Variants in PPM1H observed in about 807,000 individuals in gnomAD.
The protein encoded by PPM1H is protein phosphatase, Mg2+/Mn2+ dependent 1H, also known as protein phosphatase 1H.
In PPM1H, 27 loss-of-function variants were observed where a neutral mutation model predicts 54.9. That is an observed-to-expected ratio of 0.49 (90% CI 0.36 to 0.68). The LOEUF is 0.68. Among genes scored for constraint, PPM1H ranks in the 30% least tolerant of loss-of-function variants. The pLI is 0.00. For missense variants in PPM1H, 596 were observed against 667.8 expected, an observed-to-expected ratio of 0.89 and a Z score of 1.19; for synonymous variants, 305 against 270.8, an observed-to-expected ratio of 1.13 and a Z score of -1.24.
intron 1 of PPM1H, among the ~76,000 whole-genome samples, chr12:62,859,975 G>T (rs1470237773): frequency 6.6e-6 from 1 of 152,224 alleles, no homozygotes; most frequent in Non-Finnish European, 1.5e-5. Flanking sequence ...AGGCATGTGT[G>T]CTTGTCTTCT....
At chr12:62,676,711 G>A (rs540638232) in intron 8 of PPM1H, among the ~76,000 whole-genome samples, 38 of 152,138 alleles carry the variant, frequency 2.5e-4, no homozygotes, top group South Asian at 1.0e-3. Context: ...GACTTTGGTC[G>A]CCACCGAGCA....
At chr12:62,735,114 A>C (rs1344979107) in intron 5 of PPM1H, among the ~76,000 whole-genome samples, 3 of 152,198 alleles carry the variant, frequency 2.0e-5, no homozygotes, top group Non-Finnish European at 2.9e-5. Flanking sequence ...CAAAGGCTTC[A>C]TACCCTGCTG....
intron 9 of PPM1H, among the ~76,000 whole-genome samples, chr12:62,655,830 G>A (rs1442320890): frequency 6.6e-6 from 1 of 152,192 alleles, no homozygotes; most frequent in Admixed American, 6.5e-5. Flanking sequence ...CTAATGAAGA[G>A]TCTCCCCAGG....
At chr12:62,711,388 G>A (rs2076206227) in intron 6 of PPM1H, among the ~76,000 whole-genome samples, 2 of 152,200 alleles carry the variant, frequency 1.3e-5, no homozygotes, top group Non-Finnish European at 2.9e-5. Flanking sequence ...TAGGCAGTCT[G>A]GCTCCAGCAT....
intron 9 of PPM1H, among the ~76,000 whole-genome samples, chr12:62,649,880 T>C (rs760908243): frequency 9.2e-5 from 14 of 152,200 alleles, no homozygotes; most frequent in Non-Finnish European, 2.1e-4. Context: ...TTAAATCAGT[T>C]TCTGAACCTG....
intron 6 of PPM1H, among the ~76,000 whole-genome samples, chr12:62,699,656 C>T (rs2076133133): frequency 1.3e-5 from 2 of 152,310 alleles, no homozygotes; most frequent in South Asian, 4.2e-4. Flanking sequence ...CAACACTGAT[C>T]CAGATGGACA....
At chr12:62,858,807 T>A (rs1017480902) in intron 1 of PPM1H, among the ~76,000 whole-genome samples, 8 of 152,212 alleles carry the variant, frequency 5.3e-5, no homozygotes, top group African/African-American at 1.9e-4. Flanking sequence ...CTTTATAATT[T>A]AACTGCTTTG....
At position 62,664,009 on chromosome 12, in the gene PPM1H, AT is replaced by A. The variant is rs1288930943; in HGVS notation, c.1397+3168del. Among the ~76,000 whole-genome samples, 6 of 138,556 alleles carry A rather than the reference AT, an allele frequency of 4.3e-5. No individual in the cohort carries two copies. The East Asian group carries it at 1.1e-3, about 25-fold the overall frequency. 90.9% of individuals were successfully genotyped at this position (138,556 alleles called of 152,430 possible). A position where few individuals can be genotyped will look rare whatever the true frequency, so the allele number is the denominator to read the frequency against. On this transcript the variant is annotated intron_variant, in intron 9 of 9. Coordinates refer to ENST00000228705, the MANE Select transcript of PPM1H (RefSeq NM_020700.2). ...CTCCATCTCAAAAAAAAAAAAAAAA[AT>A]TATTCTGTGTACATTTATGCGAAGA... is the stretch of plus-strand genomic sequence containing the variant.
At chr12:62,653,861 C>T (rs960859575) in intron 9 of PPM1H, among the ~76,000 whole-genome samples, 3 of 152,022 alleles carry the variant, frequency 2.0e-5, no homozygotes, top group Non-Finnish European at 2.9e-5. Flanking sequence ...GAATGTCTGG[C>T]GACCATCAGG....
intron 1 of PPM1H, among the ~76,000 whole-genome samples, chr12:62,852,822 G>T (rs1236285465): frequency 2.0e-5 from 3 of 152,218 alleles, no homozygotes; most frequent in Non-Finnish European, 4.4e-5. Context: ...ACCCGGCACT[G>T]CATGAGTGGG....
chr12:62,720,062 G>A, intron 6 of PPM1H, 109 bp downstream of exon 6: 2 of 930,964 alleles, frequency 2.1e-6, no homozygotes, highest in South Asian at 3.0e-5. Flanking sequence ...ACAAACCCTG[G>A]TCTCTGGCTG....
chr12:62,846,741 C>T (rs897723709), intron 1 of PPM1H, among the ~76,000 whole-genome samples: 4 of 152,142 alleles, frequency 2.6e-5, no homozygotes, highest in Non-Finnish European at 5.9e-5. Context: ...ACAAACATCC[C>T]TTGTCCTTCA....
At chr12:62,690,067 T>C (rs1315735457) in intron 7 of PPM1H, among the ~76,000 whole-genome samples, 4 of 152,174 alleles carry the variant, frequency 2.6e-5, no homozygotes, top group African/African-American at 9.7e-5. Flanking sequence ...TTCAGCTTTC[T>C]TTTTTTGGAG....
intron 8 of PPM1H, among the ~76,000 whole-genome samples, chr12:62,679,942 T>A (rs2076009667): frequency 6.6e-6 from 1 of 152,228 alleles, no homozygotes; most frequent in Non-Finnish European, 1.5e-5. Flanking sequence ...ACCCTCAAGA[T>A]TGCACAGCAG....
chr12:62,731,549 A>G (rs1479531121), intron 5 of PPM1H, among the ~76,000 whole-genome samples: 1 of 152,216 alleles, frequency 6.6e-6, no homozygotes, highest in Non-Finnish European at 1.5e-5. Flanking sequence ...GGGAAACAGC[A>G]GACAAACAGA....
rs553029472 is a variant in PPM1H at position 62,821,931 on chromosome 12, A to C, written c.411+10183T>G. ...TATTAACCTTGAATGTGAATGGGCT[A>C]AATGCCCCAATTAAAAGACACAGAC... On this transcript the variant is annotated intron_variant, in intron 2 of 9. Coordinates refer to ENST00000228705, the MANE Select transcript of PPM1H (RefSeq NM_020700.2). Among the ~76,000 whole-genome samples the C allele has an allele frequency of 2.2e-3, 333 of 152,362 alleles. 6 individuals carry two copies. Among genetic ancestry groups the C allele is most frequent in the Non-Finnish European group, 2.0e-3 (136 of 68,042 alleles).
chr12:62,644,032 G>A lies in PPM1H; in HGVS notation c.*4457C>T, dbSNP rs1241291457. 1 of 152,134 alleles carries A rather than the reference G, an allele frequency of 6.6e-6. No homozygotes were observed. Among genetic ancestry groups the A allele is most frequent in the Non-Finnish European group, 1.5e-5 (1 of 68,028 alleles). The allele number at this position is 152,134 out of a possible 1,614,324, so 9.4% of individuals were successfully genotyped here. ...TATATATAATATTTTATTTTAAAAT[G>A]TCATTGAACATATACATTTCTTTAG... On this transcript the variant is annotated 3_prime_UTR_variant, in exon 10 of 10. Coordinates refer to ENST00000228705, the MANE Select transcript of PPM1H (RefSeq NM_020700.2).
intron 6 of PPM1H, among the ~76,000 whole-genome samples, chr12:62,716,273 C>T (rs2120444229): frequency 6.6e-6 from 1 of 152,328 alleles, no homozygotes; most frequent in South Asian, 2.1e-4. Flanking sequence ...CCCACTTTCT[C>T]CTCTTACGAG....
intron 1 of PPM1H, among the ~76,000 whole-genome samples, chr12:62,926,785 T>A (rs13377752): frequency 6.6e-6 from 1 of 152,042 alleles, no homozygotes; most frequent in East Asian, 1.9e-4. Flanking sequence ...AGAAACCCCA[T>A]CTGTACTAAA....
Sources: gnomAD v4.1 joint callset for allele counts (sites outside exome capture counted in the v4.1 genomes callset) on GRCh38, gnomAD v4.1.1 for gene constraint, MANE v1.5 for transcripts, NCBI Gene and HGNC (gene_info 2026-07-23, HGNC 2026-07-21) for gene names.